The following DRG1 variants were observed in gnomAD, a reference collection of about 807,000 sequenced individuals.
DRG1 encodes developmentally regulated GTP binding protein 1, also known as developmentally-regulated GTP-binding protein 1.
In DRG1, 19 loss-of-function variants were observed where a neutral mutation model predicts 38.8. The observed-to-expected ratio is 0.49, with a 90% CI of 0.34 to 0.72. The LOEUF (loss-of-function observed/expected upper bound fraction) is 0.72. DRG1 is among the 30% of genes least tolerant of loss of function. DRG1 has a pLI of 0.01. For synonymous variants in DRG1, 167 were observed against 157.5 expected, an observed-to-expected ratio of 1.06 and a Z score of -0.45; for missense variants, 299 against 444.8, an observed-to-expected ratio of 0.67 and a Z score of 2.95.
intron 6 of DRG1, among the ~76,000 whole-genome samples, chr22:31,425,249 G>A (rs1033883849): frequency 3.3e-5 from 5 of 151,886 alleles, no homozygotes; most frequent in African/African-American, 1.2e-4. Flanking sequence ...GTTACTTGCT[G>A]TAAACTAAGC....
At chr22:31,429,629 G>T (rs2050128890) in intron 8 of DRG1, among the ~76,000 whole-genome samples, 1 of 151,040 alleles carries the variant, frequency 6.6e-6, no homozygotes, top group Non-Finnish European at 1.5e-5. Context: ...TTTCATGTTG[G>T]CCCCTGTGTT....
At chr22:31,399,866 G>C (rs1234361003) in intron 1 of DRG1, 141 bp downstream of exon 1, 1 of 1,250,930 alleles carries the variant, frequency 8.0e-7, no homozygotes, top group Non-Finnish European at 1.2e-6. Context: ...TGTTCCGACT[G>C]CCCTCTGCCA....
chr22:31,417,637 G>T (rs1326170722), intron 4 of DRG1, among the ~76,000 whole-genome samples: 1 of 145,652 alleles, frequency 6.9e-6, no homozygotes, highest in Non-Finnish European at 1.5e-5. Context: ...CCGAGATCAC[G>T]CCATTGCACT....
intron 2 of DRG1, among the ~76,000 whole-genome samples, chr22:31,401,945 G>T (rs2049963480): frequency 2.6e-5 from 4 of 152,006 alleles, no homozygotes; most frequent in Admixed American, 2.6e-4. Context: ...CAGCTACTCA[G>T]GAGGCCGAGG....
intron 6 of DRG1, among the ~76,000 whole-genome samples, chr22:31,424,426 C>T (rs1473803028): frequency 6.7e-6 from 1 of 149,060 alleles, no homozygotes; most frequent in Non-Finnish European, 1.5e-5. Flanking sequence ...GTTAGGATTA[C>T]AGACATGAGC....
chr22:31,427,448 A>G (rs1227362991), intron 8 of DRG1, among the ~76,000 whole-genome samples: 1 of 152,160 alleles, frequency 6.6e-6, no homozygotes, highest in East Asian at 1.9e-4. Flanking sequence ...GCAAACACAA[A>G]TATTAATAAT....
chr22:31,416,488 T>C (rs1440508708), intron 4 of DRG1, among the ~76,000 whole-genome samples: 3 of 152,138 alleles, frequency 2.0e-5, no homozygotes, highest in Non-Finnish European at 4.4e-5. Context: ...GTGTGGTGGC[T>C]CACAGTCTGT....
At chr22:31,405,172 C>CTT (rs1278780788) in intron 3 of DRG1, among the ~76,000 whole-genome samples, 5,093 of 139,080 alleles carry the variant, frequency 0.037, 86 homozygotes, top group Non-Finnish European at 0.042. Context: ...AATAAATTTT[C>CTT]TTTTTTTTTT....
intron 2 of DRG1, 106 bp from the exon 3 acceptor site, chr22:31,402,923 G>C: frequency 7.8e-7 from 1 of 1,289,586 alleles, no homozygotes; most frequent in Non-Finnish European, 1.1e-6. Flanking sequence ...AAAAGTTTGA[G>C]AAATAGTGCC....
At chr22:31,422,657 G>C (rs566405099) in intron 5 of DRG1, among the ~76,000 whole-genome samples, 1 of 152,166 alleles carries the variant, frequency 6.6e-6, no homozygotes, top group African/African-American at 2.4e-5. Context: ...ATAGGTTTCA[G>C]CTGTCCTGCC....
rs1287056246 is a variant in DRG1, at chr22:31,420,272, C to T, written c.429C>T (p.Asn143=). The T allele has an allele frequency of 6.2e-7, 1 of 1,613,962 alleles. No homozygotes were observed. Among genetic ancestry groups the T allele is most frequent in the Non-Finnish European group, 8.5e-7 (1 of 1,179,942 alleles). Residue 143 remains asparagine (N), a synonymous_variant, in exon 5 of 9, where the codon AAC becomes AAT. Coordinates refer to ENST00000331457, the MANE Select transcript of DRG1 (RefSeq NM_004147.4). ...ACTCTTCAGTGGCCCGAACCTGTAACTTGATCTTGATTGTTCTGGATGTCC... is the reference window on the plus strand; with the variant it reads ...ACTCTTCAGTGGCCCGAACCTGTAATTTGATCTTGATTGTTCTGGATGTCC... The part of the protein sequence containing the change: ...RQVIAVARTC[N]LILIVLDVLK...
intron 4 of DRG1, among the ~76,000 whole-genome samples, chr22:31,417,093 C>T (rs111846990): frequency 0.042 from 6,315 of 150,792 alleles, 122 homozygotes; most frequent in Non-Finnish European, 0.051. Flanking sequence ...ATAATAAGGC[C>T]GGGCATGGTG....
chr22:31,430,390 GTTAA>G lies in DRG1; in HGVS notation c.1004+3211_1004+3214del, dbSNP rs549813750. On this transcript the variant is annotated intron_variant, in intron 8 of 8. Transcript: ENST00000331457. ...TCTGATTCTAGTTCAATACTACAGGGTTAATTTTTTTTTTTTTTTCTTTTTTTGA... is the reference window on the plus strand; with the variant it reads ...TCTGATTCTAGTTCAATACTACAGGGTTTTTTTTTTTTTTTCTTTTTTTGA... Among the ~76,000 whole-genome samples, 26 of 151,350 alleles carry G rather than the reference GTTAA, an allele frequency of 1.7e-4. No homozygotes were observed. The South Asian group carries it at 4.8e-3, about 28-fold the overall frequency.
At chr22:31,427,711 GCA>G (rs2050118634) in intron 8 of DRG1, among the ~76,000 whole-genome samples, 1 of 152,036 alleles carries the variant, frequency 6.6e-6, no homozygotes, top group Non-Finnish European at 1.5e-5. Flanking sequence ...GACTACAGGT[GCA>G]CACCATTATA....
intron 8 of DRG1, among the ~76,000 whole-genome samples, chr22:31,428,049 G>A (rs1232520264): frequency 6.6e-6 from 1 of 151,906 alleles, no homozygotes; most frequent in Non-Finnish European, 1.5e-5. Context: ...ACGAGGTCTT[G>A]CTTTGTTTCC....
chr22:31,421,878 A>G (rs2050078809), intron 5 of DRG1, among the ~76,000 whole-genome samples: 1 of 152,088 alleles, frequency 6.6e-6, no homozygotes, highest in South Asian at 2.1e-4. Context: ...GTACTTTGGG[A>G]GTCCGAGGTG....
intron 4 of DRG1, 143 bp downstream of exon 4, chr22:31,411,224 A>G: frequency 2.4e-6 from 2 of 824,356 alleles, no homozygotes; most frequent in Middle Eastern, 7.2e-4. Flanking sequence ...TGAAGCTTGA[A>G]GGGACCTCAG....
intron 8 of DRG1, among the ~76,000 whole-genome samples, chr22:31,429,947 T>G (rs1257901549): frequency 2.6e-5 from 4 of 152,110 alleles, no homozygotes; most frequent in Non-Finnish European, 5.9e-5. Context: ...ATTTATTTAT[T>G]GTAGAGATGG....
intron 2 of DRG1, among the ~76,000 whole-genome samples, chr22:31,401,224 G>A: frequency 6.7e-6 from 1 of 149,954 alleles, no homozygotes; most frequent in East Asian, 2.0e-4. Context: ...TTCGGAACCA[G>A]CAAAGCCCTG....
Sources: gnomAD v4.1 joint callset for allele counts (sites outside exome capture counted in the v4.1 genomes callset) on GRCh38, gnomAD v4.1.1 for gene constraint, MANE v1.5 for transcripts, NCBI Gene and HGNC (gene_info 2026-07-23, HGNC 2026-07-21) for gene names.